PPM1E: variants seen among roughly 807,000 people sequenced by gnomAD.
PPM1E encodes protein phosphatase, Mg2+/Mn2+ dependent 1E.
In PPM1E, 20 loss-of-function variants were observed where a neutral mutation model predicts 65.9. The ratio of observed to expected loss-of-function variants is 0.30; its 90% confidence interval spans 0.21 to 0.44. The LOEUF (loss-of-function observed/expected upper bound fraction) is 0.44. Ranked by LOEUF, PPM1E falls within the 20% of genes least tolerant of loss-of-function variation. PPM1E has a pLI of 1.00. For synonymous variants in PPM1E, 352 were observed against 374.9 expected (o/e 0.94, Z 0.70); for missense variants, 713 against 953.1 (o/e 0.75, Z 3.32).
At chr17:58,821,357 G>A (rs1261135399) in intron 1 of PPM1E, among the ~76,000 whole-genome samples, 1 of 152,146 alleles carries the variant, frequency 6.6e-6, no homozygotes, top group Non-Finnish European at 1.5e-5. Flanking sequence ...TGATCCGCCC[G>A]TCTCGGCCTC....
At chr17:58,950,308 C>T (rs115132651) in intron 1 of PPM1E, among the ~76,000 whole-genome samples, 2,944 of 152,102 alleles carry the variant, frequency 0.019, 90 homozygotes, top group African/African-American at 0.067. Context: ...TGCAGTGAGC[C>T]GAAAATTGCA....
rs532849928 is a variant in PPM1E, at chr17:58,836,803, C to T, written c.464+80342C>T. ...TTGGGAGGCCGAGACGGGCGGATCA[C>T]GAGGTCAGGAGATCGAGACCATCCT... On this transcript the variant is annotated intron_variant, in intron 1 of 6. Coordinates refer to ENST00000308249, the MANE Select transcript of PPM1E (RefSeq NM_014906.5). Among the ~76,000 whole-genome samples the T allele has an allele frequency of 2.1e-3, 307 of 148,114 alleles. 1 individual carries two copies. Among genetic ancestry groups the T allele is most frequent in the Middle Eastern group, 3.4e-3 (1 of 292 alleles).
At chr17:58,801,283 C>T (rs2050255496) in intron 1 of PPM1E, among the ~76,000 whole-genome samples, 1 of 151,982 alleles carries the variant, frequency 6.6e-6, no homozygotes, top group South Asian at 2.1e-4. Flanking sequence ...CCACTTTTTC[C>T]TTTGATTCTG....
At chr17:58,827,917 T>A (rs560034902) in intron 1 of PPM1E, among the ~76,000 whole-genome samples, 9,684 of 94,480 alleles carry the variant, frequency 0.1, 384 homozygotes, top group Non-Finnish European at 0.12. Context: ...AAAAAAATAA[T>A]AATAATAATA....
chr17:58,798,231 T>TTTG (rs1033872353), intron 1 of PPM1E, among the ~76,000 whole-genome samples: 2 of 67,128 alleles, frequency 3.0e-5, no homozygotes, highest in South Asian at 6.0e-4. Context: ...TTTTTGTTTG[T>TTTG]TTTTTTTTTT....
At chr17:58,911,749 A>G (rs775587972) in intron 1 of PPM1E, among the ~76,000 whole-genome samples, 8 of 152,232 alleles carry the variant, frequency 5.3e-5, no homozygotes, top group Non-Finnish European at 8.8e-5. Context: ...CTGAAGATAA[A>G]TAAGTGAACA....
intron 1 of PPM1E, among the ~76,000 whole-genome samples, chr17:58,872,096 G>C (rs2051077413): frequency 6.6e-6 from 1 of 152,108 alleles, no homozygotes; most frequent in Non-Finnish European, 1.5e-5. Context: ...TCAGGAGTTT[G>C]AGACCAGCCT....
At chr17:58,794,031 G>A (rs548936112) in intron 1 of PPM1E, among the ~76,000 whole-genome samples, 16 of 151,952 alleles carry the variant, frequency 1.1e-4, no homozygotes, top group African/African-American at 3.4e-4. Context: ...CAACCTCCGC[G>A]TCCTGGGTTC....
intron 1 of PPM1E, among the ~76,000 whole-genome samples, chr17:58,866,421 C>G (rs1326888538): frequency 6.6e-6 from 1 of 152,180 alleles, no homozygotes; most frequent in Non-Finnish European, 1.5e-5. Flanking sequence ...GACGTTCCCC[C>G]AAGACTGGTG....
intron 1 of PPM1E, among the ~76,000 whole-genome samples, chr17:58,919,218 CA>C (rs1198994952): frequency 6.6e-6 from 1 of 151,918 alleles, no homozygotes; most frequent in Non-Finnish European, 1.5e-5. Flanking sequence ...GGAAGAAAAC[CA>C]TAAGAGAAAT....
intron 1 of PPM1E, among the ~76,000 whole-genome samples, chr17:58,929,459 G>A (rs2051865405): frequency 6.6e-6 from 1 of 152,164 alleles, no homozygotes; most frequent in African/African-American, 2.4e-5. Context: ...ACTAAAGCCT[G>A]TACAAAATTT....
intron 1 of PPM1E, among the ~76,000 whole-genome samples, chr17:58,812,913 A>G (rs2050383115): frequency 6.6e-6 from 1 of 152,190 alleles, no homozygotes; most frequent in African/African-American, 2.4e-5. Context: ...TTCAGAAGCA[A>G]GTGAAATACA....
chr17:58,777,019 C>T (rs2050000305), intron 1 of PPM1E, among the ~76,000 whole-genome samples: 1 of 151,988 alleles, frequency 6.6e-6, no homozygotes, highest in Admixed American at 6.6e-5. Flanking sequence ...ATTGCTTGAA[C>T]CCTGGAGTTT....
At chr17:58,849,580 T>TGAAA (rs1302099160) in intron 1 of PPM1E, among the ~76,000 whole-genome samples, 28 of 152,194 alleles carry the variant, frequency 1.8e-4, no homozygotes, top group African/African-American at 6.8e-4. Context: ...AGTTGAGCGG[T>TGAAA]TTTCAGTGAG....
chr17:58,776,553 G>A (rs182156172), intron 1 of PPM1E, among the ~76,000 whole-genome samples: 3 of 151,836 alleles, frequency 2.0e-5, no homozygotes, highest in African/African-American at 7.3e-5. Context: ...TGTCTCTCTG[G>A]TACACAGGAA....
At chr17:58,970,943 CCT>C (rs1258597862) in intron 4 of PPM1E, among the ~76,000 whole-genome samples, 1 of 151,742 alleles carries the variant, frequency 6.6e-6, no homozygotes, top group African/African-American at 2.4e-5. Context: ...TTCTTTTTTT[CCT>C]CTGTCTTCTC....
chr17:58,841,895 G>A (rs2050721962), intron 1 of PPM1E, among the ~76,000 whole-genome samples: 1 of 152,096 alleles, frequency 6.6e-6, no homozygotes, highest in Non-Finnish European at 1.5e-5. Flanking sequence ...TTTTAGTAAA[G>A]ATGGGATTTC....
At chr17:58,884,347 T>G (rs541500812) in intron 1 of PPM1E, among the ~76,000 whole-genome samples, 1 of 152,168 alleles carries the variant, frequency 6.6e-6, no homozygotes, top group Non-Finnish European at 1.5e-5. Flanking sequence ...ACTGCCAGTT[T>G]AGGACTTGGC....
intron 5 of PPM1E, 142 bp from the exon 6 acceptor site, chr17:58,972,690 G>A: frequency 1.4e-6 from 1 of 732,736 alleles, no homozygotes; most frequent in Non-Finnish European, 2.3e-6. Context: ...TATCACATCA[G>A]CAACTGTGCC....
Sources: gnomAD v4.1 joint callset for allele counts (sites outside exome capture counted in the v4.1 genomes callset) on GRCh38, gnomAD v4.1.1 for gene constraint, MANE v1.5 for transcripts, NCBI Gene and HGNC (gene_info 2026-07-23, HGNC 2026-07-21) for gene names.